Variants in FBXW11 observed in about 807,000 individuals in gnomAD.
FBXW11 encodes F-box/WD repeat-containing protein 11.
In FBXW11, 19 loss-of-function variants were observed where a neutral mutation model predicts 77.6. The observed-to-expected ratio is 0.24, with a 90% confidence interval of 0.17 to 0.36. FBXW11 has a LOEUF of 0.36. FBXW11 is among the 10% of genes least tolerant of loss of function. The pLI is 1.00. For synonymous variants in FBXW11, 235 were observed against 249.4 expected, an observed-to-expected ratio of 0.94 and a Z score of 0.54; for missense variants, 334 against 704.2, an observed-to-expected ratio of 0.47 and a Z score of 5.95.
chr5:171,998,232 T>C (rs1386704888), intron 1 of FBXW11, among the ~76,000 whole-genome samples: 1 of 152,070 alleles, frequency 6.6e-6, no homozygotes, highest in Non-Finnish European at 1.5e-5. Context: ...CATGAATCAG[T>C]TGGGCCATCC....
At chr5:171,874,334 C>T (rs1215721500) in intron 9 of FBXW11, among the ~76,000 whole-genome samples, 1 of 152,064 alleles carries the variant, frequency 6.6e-6, no homozygotes, top group Non-Finnish European at 1.5e-5. Flanking sequence ...ATCACTAGGG[C>T]AGATATAATA....
intron 6 of FBXW11, among the ~76,000 whole-genome samples, chr5:171,898,271 T>C (rs560304820): frequency 6.6e-6 from 1 of 152,328 alleles, no homozygotes; most frequent in Non-Finnish European, 1.5e-5. Context: ...ATGGGTGATA[T>C]TGCATTGCCT....
In FBXW11 at chr5:171,989,945, T is replaced by C. The variant is rs187238371; in HGVS notation, c.45+16513A>G. On this transcript the variant is annotated intron_variant, in intron 1 of 13. Coordinates refer to ENST00000517395, the MANE Select transcript of FBXW11 (RefSeq NM_001378974.1). Reference sequence around the variant, plus strand: ...ATACACGGAGATATGGTTGTGTGTATGCATGTAATGGTTTGAGACAAAGAG... The same window carrying C: ...ATACACGGAGATATGGTTGTGTGTACGCATGTAATGGTTTGAGACAAAGAG... 7.2e-5 allele frequency among the ~76,000 whole-genome samples: 11 copies of C among 152,372 alleles called. No individual in the cohort carries two copies. The East Asian group carries it at 1.9e-3, about 27-fold the overall frequency.
chr5:171,989,113 G>A (rs1765600521), intron 1 of FBXW11, among the ~76,000 whole-genome samples: 2 of 152,050 alleles, frequency 1.3e-5, no homozygotes, highest in South Asian at 4.2e-4. Flanking sequence ...GGAGGTGGAG[G>A]TTGCAGTGAA....
chr5:171,916,513 A>C (rs949541791), intron 2 of FBXW11: 1 of 962,662 alleles, frequency 1.0e-6, no homozygotes, highest in African/African-American at 1.8e-5. Flanking sequence ...GGAGTGGTGA[A>C]AGCAGTAAGT....
chr5:171,984,266 T>C (rs571131207), intron 1 of FBXW11, among the ~76,000 whole-genome samples: 1 of 152,378 alleles, frequency 6.6e-6, no homozygotes, highest in Admixed American at 6.5e-5. Flanking sequence ...TGCACACATG[T>C]AAAAATTCAT....
chr5:171,896,295 A>C (rs1279641404), intron 6 of FBXW11, among the ~76,000 whole-genome samples: 1 of 151,948 alleles, frequency 6.6e-6, no homozygotes, highest in Non-Finnish European at 1.5e-5. Context: ...AACACAAGAG[A>C]CTCTGAAGCT....
chr5:171,881,142 A>G (rs1280207028), intron 7 of FBXW11, among the ~76,000 whole-genome samples: 1 of 151,932 alleles, frequency 6.6e-6, no homozygotes, highest in Non-Finnish European at 1.5e-5. Context: ...TGATGCTTTC[A>G]TTTTTTTCTA....
chr5:171,890,925 TG>T (rs1364165129), intron 7 of FBXW11, among the ~76,000 whole-genome samples: 2 of 152,236 alleles, frequency 1.3e-5, no homozygotes, highest in African/African-American at 4.8e-5. Flanking sequence ...TAAGTTATAA[TG>T]TTTTTTTACA....
intron 3 of FBXW11, among the ~76,000 whole-genome samples, chr5:171,911,374 A>G (rs568145456): frequency 8.5e-5 from 13 of 152,280 alleles, no homozygotes; most frequent in African/African-American, 3.1e-4. Context: ...ATGAATTTCT[A>G]TTTCTAACAA....
At chr5:171,921,893 A>C (rs1251416769) in intron 2 of FBXW11, among the ~76,000 whole-genome samples, 1 of 151,936 alleles carries the variant, frequency 6.6e-6, no homozygotes, top group East Asian at 1.9e-4. Flanking sequence ...TTCACATCAT[A>C]ACACCCAACT....
chr5:171,910,892 T>C (rs1259527095), intron 3 of FBXW11, 95 bp from the exon 4 acceptor site: 4 of 869,258 alleles, frequency 4.6e-6, no homozygotes, highest in Admixed American at 6.3e-5. Context: ...GTATTTAATC[T>C]TAAAATGCCA....
chr5:171,996,382 C>G (rs975273669), intron 1 of FBXW11, among the ~76,000 whole-genome samples: 3 of 152,134 alleles, frequency 2.0e-5, no homozygotes, highest in African/African-American at 7.2e-5. Flanking sequence ...ATAAAAATAA[C>G]TGAGTTAGGC....
intron 1 of FBXW11, among the ~76,000 whole-genome samples, chr5:171,973,982 T>C (rs895235913): frequency 2.6e-5 from 4 of 152,200 alleles, no homozygotes; most frequent in African/African-American, 9.6e-5. Flanking sequence ...CGTTTTTGAG[T>C]ACTTATCTTT....
At chr5:171,991,217 A>G (rs1292121867) in intron 1 of FBXW11, among the ~76,000 whole-genome samples, 1 of 152,206 alleles carries the variant, frequency 6.6e-6, no homozygotes, top group Non-Finnish European at 1.5e-5. Context: ...TGAACTCTTC[A>G]TGTCTCCATG....
At chr5:171,966,718 A>C (rs1473914993) in intron 1 of FBXW11, among the ~76,000 whole-genome samples, 1 of 152,246 alleles carries the variant, frequency 6.6e-6, no homozygotes, top group African/African-American at 2.4e-5. Context: ...GTTGGTTAGC[A>C]GCTGTGGTCC....
Position 172,006,497 on chromosome 5 carries a change from C to G in FBXW11, c.6G>C (p.Glu2Asp). M[E>D]PDSVIEDKTI... is the part of the protein sequence containing the mutation. ...TCTTGTCCTCAATCACCGAGTCGGG[C>G]TCCATGGCGGCCCCGGCGGCCCCGC... Residue 2 changes from glutamate to aspartate, a missense_variant, in exon 1 of 14, where the codon GAG becomes GAC. Around this residue, in one of 10 missense-constraint regions of FBXW11, gnomAD observed 80 missense variants for 105.1 expected, o/e 0.76. Transcript: ENST00000517395. 1 of 1,523,296 alleles carries G rather than the reference C, an allele frequency of 6.6e-7. No individual in the cohort carries two copies. The highest frequency in any genetic ancestry group is 2.1e-5 in the Admixed American group (1 of 47,834). The allele number at this position is 1,523,296 out of a possible 1,614,324, so 94.4% of individuals were successfully genotyped here.
intron 6 of FBXW11, among the ~76,000 whole-genome samples, chr5:171,893,990 G>T (rs1759566468): frequency 6.9e-6 from 1 of 145,796 alleles, no homozygotes; most frequent in East Asian, 2.0e-4. Context: ...AGGGGATGGG[G>T]GGGAATCTCT....
chr5:171,955,270 T>C (rs1285385833), intron 2 of FBXW11, among the ~76,000 whole-genome samples: 7 of 152,182 alleles, frequency 4.6e-5, no homozygotes, highest in East Asian at 1.9e-4. Flanking sequence ...GTTGCAATTA[T>C]CAGTGGGTCC....
Sources: allele counts gnomAD v4.1 joint callset (sites outside exome capture counted in the v4.1 genomes callset), GRCh38; gene constraint gnomAD v4.1.1; regional missense constraint gnomAD v4.1.1; transcripts MANE v1.5; gene names NCBI Gene and HGNC (gene_info 2026-07-23, HGNC 2026-07-21).